LRFN5: variants seen among roughly 807,000 people sequenced by gnomAD.
The protein encoded by LRFN5 is leucine-rich repeat and fibronectin type-III domain-containing protein 5.
Under a neutral mutation model 45.6 loss-of-function variants are expected in LRFN5, and 24 were observed. The ratio of observed to expected loss-of-function variants is 0.53; its 90% confidence interval spans 0.38 to 0.74. The LOEUF (loss-of-function observed/expected upper bound fraction) is 0.74. Among genes scored for constraint, LRFN5 ranks in the 30% least tolerant of loss-of-function variants. The pLI, the probability that LRFN5 is intolerant of heterozygous loss-of-function variation, is 0.00. For synonymous variants in LRFN5, 340 were observed against 313.8 expected, an observed-to-expected ratio of 1.08 and a Z score of -0.88; for missense variants, 776 against 861.5, an observed-to-expected ratio of 0.90 and a Z score of 1.24.
chr14:41,826,848 TA>T (rs1888312503), intron 2 of LRFN5, among the ~76,000 whole-genome samples: 1 of 51,746 alleles, frequency 1.9e-5, no homozygotes, highest in South Asian at 4.8e-4. Context: ...AATGTTGTTT[TA>T]ATAAGTAATT....
chr14:41,790,455 A>G (rs563117522), intron 2 of LRFN5, among the ~76,000 whole-genome samples: 10 of 151,358 alleles, frequency 6.6e-5, no homozygotes, highest in African/African-American at 2.4e-4. Context: ...TATCGCTACT[A>G]TTTCCTTCCC....
chr14:41,903,952 A>T (rs1891173374), intron 5 of LRFN5, among the ~76,000 whole-genome samples: 1 of 152,030 alleles, frequency 6.6e-6, no homozygotes. Context: ...TCACCAATTG[A>T]AGTTACTAAG....
chr14:41,865,331 T>C (rs995582551), intron 2 of LRFN5, among the ~76,000 whole-genome samples: 1 of 152,332 alleles, frequency 6.6e-6, no homozygotes, highest in Middle Eastern at 3.4e-3. Context: ...TTATATGCAG[T>C]ATTTTTTGAC....
rs1281419186 is a variant in LRFN5 at position 41,895,706 on chromosome 14, CT to C, written c.2099-3199del. Among the ~76,000 whole-genome samples the C allele has an allele frequency of 2.7e-3, 395 of 144,760 alleles. 1 individual carries two copies. Among genetic ancestry groups the C allele is most frequent in the Middle Eastern group, 0.014 (4 of 278 alleles). The allele number at this position is 144,760 out of a possible 152,430, so 95.0% of individuals were successfully genotyped here. ...TCAAACTGTGGCCAATTTATTTCCC[CT>C]TTTTTTTTTTTCCTAACCATTAAAG... is the stretch of plus-strand genomic sequence containing the variant. On this transcript the variant is annotated intron_variant, in intron 4 of 5. Transcript: ENST00000298119.
At chr14:41,659,427 AC>A (rs1880530158) in intron 1 of LRFN5, among the ~76,000 whole-genome samples, 1 of 152,120 alleles carries the variant, frequency 6.6e-6, no homozygotes, top group Admixed American at 6.6e-5. Context: ...TATATGTGCC[AC>A]ATCTTCTTTA....
intron 1 of LRFN5, among the ~76,000 whole-genome samples, chr14:41,664,520 G>A (rs1253005989): frequency 6.6e-6 from 1 of 151,636 alleles, no homozygotes; most frequent in South Asian, 2.1e-4. Flanking sequence ...TTCTAGGCTG[G>A]GCAGAATGGT....
intron 1 of LRFN5, among the ~76,000 whole-genome samples, chr14:41,727,553 G>A (rs1261912702): frequency 6.6e-6 from 1 of 152,126 alleles, no homozygotes; most frequent in Non-Finnish European, 1.5e-5. Flanking sequence ...TTGAGCCTAA[G>A]AGTTTGAGGC....
intron 2 of LRFN5, among the ~76,000 whole-genome samples, chr14:41,846,525 A>T (rs866737148): frequency 6.6e-6 from 1 of 152,200 alleles, no homozygotes; most frequent in Admixed American, 6.6e-5. Context: ...CATACCATTC[A>T]AAAACTAGCA....
chr14:41,753,610 T>C (rs1051813142), intron 1 of LRFN5, among the ~76,000 whole-genome samples: 1 of 152,344 alleles, frequency 6.6e-6, no homozygotes, highest in Non-Finnish European at 1.5e-5. Flanking sequence ...TTTTGCACAT[T>C]GATTTTGTAT....
At chr14:41,632,667 CAG>C (rs1419032338) in intron 1 of LRFN5, among the ~76,000 whole-genome samples, 3 of 152,002 alleles carry the variant, frequency 2.0e-5, no homozygotes, top group Non-Finnish European at 2.9e-5. Flanking sequence ...ACTTAGAATA[CAG>C]AGAGTTTGAG....
chr14:41,788,289 A>G (rs1447570394), intron 2 of LRFN5, among the ~76,000 whole-genome samples: 1 of 152,110 alleles, frequency 6.6e-6, no homozygotes, highest in Non-Finnish European at 1.5e-5. Context: ...TTTCCATTAT[A>G]TGGAAGTTAA....
intron 2 of LRFN5, among the ~76,000 whole-genome samples, chr14:41,833,448 C>G (rs1888553158): frequency 6.6e-6 from 1 of 152,176 alleles, no homozygotes; most frequent in Non-Finnish European, 1.5e-5. Context: ...TTTAACCATC[C>G]AGCCAAAATA....
At chr14:41,609,908 TTTGC>T (rs1887670767) in intron 1 of LRFN5, among the ~76,000 whole-genome samples, 1 of 152,198 alleles carries the variant, frequency 6.6e-6, no homozygotes, top group Non-Finnish European at 1.5e-5. Context: ...TATGATGGCA[TTTGC>T]AGACTTCTAG....
intron 1 of LRFN5, among the ~76,000 whole-genome samples, chr14:41,655,929 A>T (rs1044010072): frequency 1.3e-5 from 2 of 152,042 alleles, no homozygotes; most frequent in Non-Finnish European, 2.9e-5. Context: ...TGCTCAATAA[A>T]TATTAGCATT....
chr14:41,660,918 T>C (rs2138637951), intron 1 of LRFN5, among the ~76,000 whole-genome samples: 1 of 151,814 alleles, frequency 6.6e-6, no homozygotes, highest in East Asian at 1.9e-4. Flanking sequence ...ATTACTGTTT[T>C]TCTCTACCTA....
chr14:41,690,011 C>G (rs1461989913), intron 1 of LRFN5, among the ~76,000 whole-genome samples: 1 of 151,678 alleles, frequency 6.6e-6, no homozygotes, highest in African/African-American at 2.4e-5. Context: ...TTTACAAACT[C>G]TCTTTTCAAA....
At chr14:41,676,520 A>G (rs1029006475) in intron 1 of LRFN5, among the ~76,000 whole-genome samples, 2 of 152,212 alleles carry the variant, frequency 1.3e-5, no homozygotes, top group Non-Finnish European at 1.5e-5. Flanking sequence ...CAAAATGTCA[A>G]AGAAACAAAA....
At chr14:41,742,312 TACACACACACAC>T (rs61109523) in intron 1 of LRFN5, among the ~76,000 whole-genome samples, 4 of 145,136 alleles carry the variant, frequency 2.8e-5, no homozygotes, top group South Asian at 2.2e-4. Context: ...GTGGTGTGTA[TACACACACACAC>T]ACACACACAC....
chr14:41,689,668 G>A (rs1291511615), intron 1 of LRFN5, among the ~76,000 whole-genome samples: 2 of 151,768 alleles, frequency 1.3e-5, no homozygotes, highest in African/African-American at 2.4e-5. Context: ...GCCGAGGCGG[G>A]CGGATCACGA....
Sources: allele counts gnomAD v4.1 joint callset (sites outside exome capture counted in the v4.1 genomes callset), GRCh38; gene constraint gnomAD v4.1.1; transcripts MANE v1.5; gene names NCBI Gene and HGNC (gene_info 2026-07-23, HGNC 2026-07-21).